ARHGAP10: variants seen among roughly 807,000 people sequenced by gnomAD.
ARHGAP10 encodes the protein rho GTPase-activating protein 10.
In ARHGAP10, 87 loss-of-function variants were observed where a neutral mutation model predicts 108.6. The ratio of observed to expected loss-of-function variants is 0.80; its 90% CI spans 0.67 to 0.96. ARHGAP10 has a LOEUF of 0.96. ARHGAP10 is among the 40% of genes least tolerant of loss of function. The probability of loss-of-function intolerance (pLI) is 0.00; values close to 1 mark genes in which losing one functional copy is unlikely to be tolerated. For synonymous variants in ARHGAP10, 347 were observed against 341.1 expected (o/e 1.02, Z -0.19); for missense variants, 939 against 954.5 (o/e 0.98, Z 0.21).
At chr4:148,052,490 G>A (rs1729189833) in intron 20 of ARHGAP10, among the ~76,000 whole-genome samples, 1 of 150,238 alleles carries the variant, frequency 6.7e-6, no homozygotes, top group Non-Finnish European at 1.5e-5. Flanking sequence ...GGTCAGGAGA[G>A]GGTGATAAGT....
chr4:147,847,475 C>A (rs190310029), intron 4 of ARHGAP10, among the ~76,000 whole-genome samples: 68 of 152,292 alleles, frequency 4.5e-4, no homozygotes, highest in African/African-American at 1.6e-3. Flanking sequence ...ATACCTGTAA[C>A]CAAACAACAC....
chr4:147,939,623 C>A (rs899235294), intron 13 of ARHGAP10, among the ~76,000 whole-genome samples: 4 of 152,282 alleles, frequency 2.6e-5, no homozygotes, highest in African/African-American at 9.6e-5. Flanking sequence ...ACATTGTTTG[C>A]TGAGATTATT....
At chr4:147,760,617 T>C (rs1308765875) in intron 1 of ARHGAP10, among the ~76,000 whole-genome samples, 1 of 152,238 alleles carries the variant, frequency 6.6e-6, no homozygotes, top group East Asian at 1.9e-4. Flanking sequence ...CTGTTGGACA[T>C]ACACAGAGAT....
chr4:147,824,010 T>C (rs770364057), intron 3 of ARHGAP10, among the ~76,000 whole-genome samples: 5 of 152,052 alleles, frequency 3.3e-5, no homozygotes, highest in Non-Finnish European at 7.4e-5. Context: ...CACCATTTAT[T>C]TCAGGCTTAA....
At chr4:148,035,463 C>G (rs1387232079) in intron 19 of ARHGAP10, among the ~76,000 whole-genome samples, 1 of 151,990 alleles carries the variant, frequency 6.6e-6, no homozygotes, top group African/African-American at 2.4e-5. Context: ...TTTTCTTTTT[C>G]TAGAGAGAAT....
chr4:147,783,811 AAC>A (rs34473616), intron 1 of ARHGAP10, among the ~76,000 whole-genome samples: 77,285 of 134,064 alleles, frequency 0.58, 34,159 homozygotes, highest in Non-Finnish European at 0.73. Flanking sequence ...ATATTTATAT[AAC>A]ACACATTAAA....
At chr4:147,765,474 T>A (rs1729772003) in intron 1 of ARHGAP10, among the ~76,000 whole-genome samples, 1 of 152,214 alleles carries the variant, frequency 6.6e-6, no homozygotes, top group South Asian at 2.1e-4. Flanking sequence ...TCAGCAATTC[T>A]GAGCATTTGC....
rs1418916849 is a variant in ARHGAP10 at position 147,766,403 on chromosome 4, GT to G, written c.154+33950del. Among the ~76,000 whole-genome samples the G allele has an allele frequency of 1.1e-4, 16 of 152,056 alleles. No homozygotes were observed. In the East Asian group the frequency reaches 2.9e-3, roughly 28 times the overall value. On this transcript the variant is annotated intron_variant, in intron 1 of 22. Coordinates refer to ENST00000336498, the MANE Select transcript of ARHGAP10 (RefSeq NM_024605.4). ...ATACAATGTAAATGCTATGTAAATAGTTATATTGTATTGTTCAGGGAATATA... is the reference window on the plus strand; with the variant it reads ...ATACAATGTAAATGCTATGTAAATAGTATATTGTATTGTTCAGGGAATATA...
intron 18 of ARHGAP10, among the ~76,000 whole-genome samples, chr4:147,991,192 A>T (rs187825902): frequency 6.6e-6 from 1 of 151,418 alleles, no homozygotes; most frequent in African/African-American, 2.4e-5. Flanking sequence ...AAGTCTTTCC[A>T]TTAGGTCTAG....
intron 18 of ARHGAP10, among the ~76,000 whole-genome samples, chr4:147,974,083 G>C (rs1346576179): frequency 6.6e-6 from 1 of 151,968 alleles, no homozygotes; most frequent in Admixed American, 6.6e-5. Context: ...TCATATGGTA[G>C]CTCTATTTTT....
At chr4:147,809,658 C>T (rs1488212074) in intron 1 of ARHGAP10, among the ~76,000 whole-genome samples, 1 of 152,144 alleles carries the variant, frequency 6.6e-6, no homozygotes, top group African/African-American at 2.4e-5. Flanking sequence ...TGTACACCAG[C>T]GGTCCCCAAC....
In ARHGAP10 at chr4:147,865,021, G is replaced by A. The variant is rs965931369; in HGVS notation, c.597+65G>A. 1.6e-5 allele frequency: 22 copies of A among 1,392,992 alleles called. No homozygotes were observed. In the African/African-American group the frequency reaches 3.2e-4, roughly 20 times the overall value. The allele number at this position is 1,392,992 out of a possible 1,614,324, so 86.3% of individuals were successfully genotyped here. On this transcript the variant is annotated intron_variant, in intron 6 of 22. Coordinates refer to ENST00000336498, the MANE Select transcript of ARHGAP10 (RefSeq NM_024605.4). ...TGTAAGATAAGTATTTATTTTCCTA[G>A]ATCTGATTTATGGTTTATAGTTACT...
intron 10 of ARHGAP10, among the ~76,000 whole-genome samples, chr4:147,890,569 A>G (rs6850705): frequency 0.016 from 2,385 of 152,300 alleles, 56 homozygotes; most frequent in African/African-American, 0.052. Context: ...GCCCATGCCT[A>G]TAATCCCAGC....
At chr4:147,847,115 A>T (rs748659862) in intron 3 of ARHGAP10, 36 bp from the exon 4 acceptor site, 1 of 1,563,146 alleles carries the variant, frequency 6.4e-7, no homozygotes, top group Non-Finnish European at 8.8e-7. Flanking sequence ...TGGAAACCTA[A>T]TGCTGTGCTC....
At chr4:148,041,775 A>G (rs1310394845) in intron 19 of ARHGAP10, among the ~76,000 whole-genome samples, 1 of 152,226 alleles carries the variant, frequency 6.6e-6, no homozygotes, top group Non-Finnish European at 1.5e-5. Context: ...AATTGTGGTC[A>G]GTTTTTATGA....
chr4:148,032,102 C>T (rs1486555708), intron 19 of ARHGAP10, among the ~76,000 whole-genome samples: 2 of 151,950 alleles, frequency 1.3e-5, no homozygotes, highest in Admixed American at 6.6e-5. Flanking sequence ...CACTCCTCTC[C>T]CCTTCTTTCT....
At chr4:147,985,701 G>A (rs999103574) in intron 18 of ARHGAP10, among the ~76,000 whole-genome samples, 8 of 152,316 alleles carry the variant, frequency 5.3e-5, no homozygotes, top group Non-Finnish European at 1.2e-4. Context: ...TTTGAGCCTG[G>A]ATTAAAAATG....
At chr4:147,805,995 A>G (rs892353661) in intron 1 of ARHGAP10, among the ~76,000 whole-genome samples, 1 of 152,222 alleles carries the variant, frequency 6.6e-6, no homozygotes, top group Non-Finnish European at 1.5e-5. Context: ...TACTTATACA[A>G]TATTTTCCAC....
chr4:147,827,134 A>G (rs1330744500), intron 3 of ARHGAP10, among the ~76,000 whole-genome samples: 1 of 151,692 alleles, frequency 6.6e-6, no homozygotes, highest in Non-Finnish European at 1.5e-5. Flanking sequence ...CTTAACCCAT[A>G]TTGACATTGT....
Sources: allele counts gnomAD v4.1 joint callset (sites outside exome capture counted in the v4.1 genomes callset), GRCh38; gene constraint gnomAD v4.1.1; transcripts MANE v1.5; gene names NCBI Gene and HGNC (gene_info 2026-07-23, HGNC 2026-07-21).